PTPN11: variants seen among roughly 807,000 people sequenced by gnomAD.
The protein encoded by PTPN11 is protein tyrosine phosphatase non-receptor type 11.
PTPN11 carries 6 observed loss-of-function variants against 78.8 expected under a neutral mutation model. The observed-to-expected ratio is 0.08, with a 90% confidence interval of 0.04 to 0.15. The LOEUF is 0.15. Ranked by LOEUF, PTPN11 falls within the 10% of genes least tolerant of loss-of-function variation. PTPN11 has a pLI of 1.00. For synonymous variants in PTPN11, 221 were observed against 263.5 expected (o/e 0.84, Z 1.56); for missense variants, 386 against 744.8 (o/e 0.52, Z 5.61).
chr12:112,442,069 G>A (rs546860088), intron 1 of PTPN11, among the ~76,000 whole-genome samples: 4 of 152,228 alleles, frequency 2.6e-5, no homozygotes, highest in South Asian at 2.1e-4. Context: ...GAGCCACCGC[G>A]CCTGCCCAAG....
intron 13 of PTPN11, among the ~76,000 whole-genome samples, chr12:112,491,272 GA>G (rs59219665): frequency 2.3e-3 from 278 of 118,610 alleles, no homozygotes; most frequent in Middle Eastern, 4.3e-3. Flanking sequence ...CTACAGTAGT[GA>G]AAAAAAAAAA....
At chr12:112,443,334 G>A (rs964640638) in intron 1 of PTPN11, among the ~76,000 whole-genome samples, 12 of 150,804 alleles carry the variant, frequency 8.0e-5, no homozygotes, top group African/African-American at 2.7e-4. Context: ...TTTGCATCCC[G>A]CCAAACTCCT....
chr12:112,490,067 A>G (rs2038727458), intron 13 of PTPN11, among the ~76,000 whole-genome samples: 1 of 152,230 alleles, frequency 6.6e-6, no homozygotes, highest in African/African-American at 2.4e-5. Context: ...ACATCTTCAG[A>G]AACAGTGTAT....
intron 7 of PTPN11, among the ~76,000 whole-genome samples, chr12:112,476,917 A>G (rs2038514409): frequency 6.6e-6 from 1 of 152,174 alleles, no homozygotes; most frequent in South Asian, 2.1e-4. Flanking sequence ...TCTTGGTTTC[A>G]TCTATACTCT....
rs143849108 is a variant in PTPN11 at position 112,435,183 on chromosome 12, C to T, written c.15-11093C>T. On this transcript the variant is annotated intron_variant, in intron 1 of 15. Transcript: ENST00000351677. ...ACAGGTGTGTGCCATCAATGCCCCA[C>T]CAATTTTTTAATTTTTTGTAGAGAT... Among the ~76,000 whole-genome samples the T allele has an allele frequency of 2.4e-4, 36 of 151,318 alleles. No homozygotes were observed. The East Asian group carries it at 6.4e-3, about 27-fold the overall frequency.
intron 1 of PTPN11, among the ~76,000 whole-genome samples, chr12:112,431,886 T>C (rs570071298): frequency 6.6e-6 from 1 of 151,678 alleles, no homozygotes; most frequent in African/African-American, 2.4e-5. Flanking sequence ...AATTTAACAA[T>C]GCCAACATGA....
rs2135914888 is a variant in PTPN11 at position 112,488,437 on chromosome 12, C to G, written c.1380-6C>G. The G allele has an allele frequency of 1.2e-6, 2 of 1,609,470 alleles. No individual in the cohort carries two copies. Among genetic ancestry groups the G allele is most frequent in the Non-Finnish European group, 1.7e-6 (2 of 1,175,814 alleles). On this transcript the variant is annotated splice_polypyrimidine_tract_variant and splice_region_variant and intron_variant, in intron 11 of 15. Transcript: ENST00000351677. ...TTGTCCCTGCTTTTTGTCCTTCTGC[C>G]CGCAGTGCTGGAATTGGCCGGACAG...
chr12:112,437,457 G>A (rs1457431399), intron 1 of PTPN11, among the ~76,000 whole-genome samples: 1 of 152,116 alleles, frequency 6.6e-6, no homozygotes, highest in Non-Finnish European at 1.5e-5. Flanking sequence ...CACCGTGCCC[G>A]GCCTAAAATT....
intron 13 of PTPN11, among the ~76,000 whole-genome samples, chr12:112,490,343 G>C (rs1199065234): frequency 2.2e-5 from 3 of 137,832 alleles, no homozygotes; most frequent in Non-Finnish European, 4.6e-5. Flanking sequence ...GTCTCTCTCT[G>C]TTGCCCAGGC....
intron 5 of PTPN11, 144 bp from the exon 6 acceptor site, chr12:112,455,806 T>G: frequency 1.5e-6 from 1 of 652,710 alleles, no homozygotes; most frequent in Non-Finnish European, 2.8e-6. Context: ...TTGAAAACTT[T>G]TATTGTGAAT....
At chr12:112,471,730 A>G (rs1372356111) in intron 6 of PTPN11, among the ~76,000 whole-genome samples, 1 of 149,768 alleles carries the variant, frequency 6.7e-6, no homozygotes, top group African/African-American at 2.5e-5. Context: ...AAAAAAAATC[A>G]CCATTACCTA....
At chr12:112,455,238 T>C (rs1043220059) in intron 5 of PTPN11, among the ~76,000 whole-genome samples, 22 of 148,532 alleles carry the variant, frequency 1.5e-4, no homozygotes, top group African/African-American at 5.2e-4. Context: ...GGTTCTTTTT[T>C]TTTTTTTTTT....
chr12:112,474,892 A>G (rs556429721), intron 7 of PTPN11, among the ~76,000 whole-genome samples: 2 of 151,690 alleles, frequency 1.3e-5, no homozygotes, highest in Non-Finnish European at 2.9e-5. Context: ...CGGCCTCCCA[A>G]AGTGTTGGGA....
rs142510351 is a variant in PTPN11 at position 112,498,152 on chromosome 12, C to CAA, written c.1600-3983_1600-3982dup. Among the ~76,000 whole-genome samples the CAA allele has an allele frequency of 8.4e-5, 12 of 142,826 alleles. No homozygotes were observed. In the East Asian group the frequency reaches 1.6e-3, roughly 19 times the overall value. 93.7% of individuals were successfully genotyped at this position (142,826 alleles called of 152,430 possible). On this transcript the variant is annotated intron_variant, in intron 13 of 15. Transcript: ENST00000351677. ...TGGGTGACAGAGTGAGACTTCGTGT[C>CAA]AAAAAAAAAACAAAAAACCCCTCAT...
intron 13 of PTPN11, among the ~76,000 whole-genome samples, chr12:112,493,705 A>C (rs1441737423): frequency 6.6e-6 from 1 of 152,122 alleles, no homozygotes; most frequent in Non-Finnish European, 1.5e-5. Context: ...CGTTAGTATT[A>C]ACTATAATCA....
chr12:112,428,033 A>G (rs1353232981), intron 1 of PTPN11, among the ~76,000 whole-genome samples: 1 of 152,140 alleles, frequency 6.6e-6, no homozygotes, highest in Non-Finnish European at 1.5e-5. Context: ...TTATGGGCAT[A>G]AGCCACTGTG....
rs1334971635 is a variant in PTPN11 at position 112,506,441 on chromosome 12, T to A, written c.*649T>A. 1 of 152,100 alleles carries A rather than the reference T, an allele frequency of 6.6e-6. No individual in the cohort carries two copies. The highest frequency in any genetic ancestry group is 6.5e-5 in the Admixed American group (1 of 15,270). The allele number at this position is 152,100 out of a possible 1,614,324, so 9.4% of individuals were successfully genotyped here. A position where few individuals can be genotyped will look rare whatever the true frequency, so the allele number is the denominator to read the frequency against. On this transcript the variant is annotated 3_prime_UTR_variant, in exon 16 of 16. Coordinates refer to ENST00000351677, the MANE Select transcript of PTPN11 (RefSeq NM_002834.5). ...AATTAAGGTAAGAGGTGTGGCTTTT[T>A]TTTTTTTCTTTTTTCCAGCCGTTGA... is the stretch of plus-strand genomic sequence containing the variant.
At position 112,506,976 on chromosome 12, in the gene PTPN11, AT is replaced by A. The variant is rs1384551465; in HGVS notation, c.*1185del. 3 of 259,162 alleles carry A rather than the reference AT, an allele frequency of 1.2e-5. No individual in the cohort carries two copies. The highest frequency in any genetic ancestry group is 6.7e-5 in the African/African-American group (3 of 44,844). The allele number at this position is 259,162 out of a possible 1,614,324, so 16.1% of individuals were successfully genotyped here. On this transcript the variant is annotated 3_prime_UTR_variant, in exon 16 of 16. Coordinates refer to ENST00000351677, the MANE Select transcript of PTPN11 (RefSeq NM_002834.5). ...GATGATGATGATGATGATGATGATG[AT>A]GATGATGATGATGATGGTTTTTTCT...
At chr12:112,419,524 G>C (rs1188758331) in intron 1 of PTPN11, among the ~76,000 whole-genome samples, 1 of 152,232 alleles carries the variant, frequency 6.6e-6, no homozygotes, top group East Asian at 1.9e-4. Context: ...CTTGGGACAC[G>C]AGAGGGGAGT....
Sources: gnomAD v4.1 joint callset for allele counts (sites outside exome capture counted in the v4.1 genomes callset) on GRCh38, gnomAD v4.1.1 for gene constraint, MANE v1.5 for transcripts, NCBI Gene and HGNC (gene_info 2026-07-23, HGNC 2026-07-21) for gene names.